CNTN6: variants seen among roughly 807,000 people sequenced by gnomAD.
The protein encoded by CNTN6 is contactin-6.
A neutral mutation model predicts 122.8 loss-of-function variants in CNTN6; 137 were observed. The ratio of observed to expected loss-of-function variants is 1.12; its 90% CI spans 0.97 to 1.29. The LOEUF is 1.29. CNTN6 is among the 50% of genes most tolerant of loss of function. The probability of loss-of-function intolerance (pLI) is 0.00; values close to 1 mark genes in which losing one functional copy is unlikely to be tolerated. For missense variants in CNTN6, 1,634 were observed against 1,223.4 expected (o/e 1.34, Z -5.01); for synonymous variants, 570 against 426.0 (o/e 1.34, Z -4.16).
intron 12 of CNTN6, among the ~76,000 whole-genome samples, chr3:1,364,157 T>C (rs1707875640): frequency 6.6e-6 from 1 of 151,960 alleles, no homozygotes; most frequent in African/African-American, 2.4e-5. Context: ...TATCTTAATA[T>C]GTAGCGTAAT....
intron 4 of CNTN6, among the ~76,000 whole-genome samples, chr3:1,261,005 A>C (rs1290549128): frequency 6.6e-6 from 1 of 152,174 alleles, no homozygotes; most frequent in Non-Finnish European, 1.5e-5. Context: ...TGGCTGTTCA[A>C]ACTTAATGTG....
chr3:1,180,019 C>G (rs1212338917), intron 2 of CNTN6, among the ~76,000 whole-genome samples: 1 of 152,180 alleles, frequency 6.6e-6, no homozygotes, highest in Admixed American at 6.5e-5. Flanking sequence ...AATCACAGCT[C>G]TCTGACTAGT....
At chr3:1,395,015 A>C (rs1694813750) in intron 20 of CNTN6, among the ~76,000 whole-genome samples, 2 of 152,018 alleles carry the variant, frequency 1.3e-5, no homozygotes, top group South Asian at 4.1e-4. Context: ...TAAATCAAAC[A>C]AGAAAAACCT....
intron 1 of CNTN6, among the ~76,000 whole-genome samples, chr3:1,128,831 A>T (rs567745187): frequency 8.1e-4 from 123 of 152,140 alleles, no homozygotes; most frequent in African/African-American, 2.6e-3. Context: ...AAACACATTT[A>T]AATTATAAAT....
At chr3:1,192,000 A>G (rs1264597274) in intron 2 of CNTN6, among the ~76,000 whole-genome samples, 1 of 152,158 alleles carries the variant, frequency 6.6e-6, no homozygotes. Flanking sequence ...TCATTTTGAC[A>G]CCTACCTACT....
chr3:1,248,441 C>T (rs1559606527), intron 4 of CNTN6, among the ~76,000 whole-genome samples: 1 of 152,066 alleles, frequency 6.6e-6, no homozygotes, highest in Non-Finnish European at 1.5e-5. Flanking sequence ...GTTTAATCCT[C>T]AAAACTACCA....
intron 1 of CNTN6, among the ~76,000 whole-genome samples, chr3:1,115,400 C>T (rs2091675655): frequency 6.6e-6 from 1 of 152,106 alleles, no homozygotes; most frequent in Non-Finnish European, 1.5e-5. Context: ...AAAACATCAC[C>T]ATTTTCTTCA....
intron 12 of CNTN6, among the ~76,000 whole-genome samples, chr3:1,361,380 G>C (rs1006243071): frequency 6.6e-6 from 1 of 152,034 alleles, no homozygotes; most frequent in African/African-American, 2.4e-5. Context: ...ATCTTCTAAT[G>C]GTTCTTCAGT....
At chr3:1,345,559 GAT>G (rs2126052579) in intron 11 of CNTN6, among the ~76,000 whole-genome samples, 1 of 152,192 alleles carries the variant, frequency 6.6e-6, no homozygotes, top group African/African-American at 2.4e-5. Flanking sequence ...ATTTTTAAAA[GAT>G]AGCTTATTAA....
chr3:1,345,257 C>T (rs574876125), intron 11 of CNTN6, among the ~76,000 whole-genome samples: 1 of 151,922 alleles, frequency 6.6e-6, no homozygotes, highest in African/African-American at 2.4e-5. Context: ...GCTGAAATTA[C>T]AGGCACGAAC....
chr3:1,395,835 A>C (rs977912901), intron 20 of CNTN6, among the ~76,000 whole-genome samples: 1 of 152,152 alleles, frequency 6.6e-6, no homozygotes, highest in Admixed American at 6.6e-5. Flanking sequence ...CTTAATTATT[A>C]CAATAAGTCA....
chr3:1,242,365 G>T (rs1485542247), intron 4 of CNTN6, among the ~76,000 whole-genome samples: 3 of 149,956 alleles, frequency 2.0e-5, no homozygotes, highest in Non-Finnish European at 4.4e-5. Context: ...GGCACCACAG[G>T]GTGGATGGCA....
Position 1,147,898 on chromosome 3 carries a change from T to C in CNTN6, c.-82-29T>C, listed in dbSNP as rs557170554. ...TAAAATATTCGTGTTTGTACGTTTT[T>C]CATTTCATGACAATTTTGTCTTTTT... On this transcript the variant is annotated intron_variant, in intron 1 of 22. Coordinates refer to ENST00000446702, the MANE Select transcript of CNTN6 (RefSeq NM_001289080.2). 1.0e-5 allele frequency: 7 copies of C among 688,308 alleles called. No homozygotes were observed. In the East Asian group the frequency reaches 1.3e-4, roughly 12 times the overall value. The allele number at this position is 688,308 out of a possible 1,614,324, so 42.6% of individuals were successfully genotyped here. A position where few individuals can be genotyped will look rare whatever the true frequency, so the allele number is the denominator to read the frequency against.
chr3:1,399,797 C>A (rs1189810026), intron 20 of CNTN6, among the ~76,000 whole-genome samples: 1 of 152,078 alleles, frequency 6.6e-6, no homozygotes, highest in African/African-American at 2.4e-5. Flanking sequence ...GTTAGTAATA[C>A]AGAGTTGAGT....
At chr3:1,181,286 A>C (rs1034523141) in intron 2 of CNTN6, among the ~76,000 whole-genome samples, 1 of 152,090 alleles carries the variant, frequency 6.6e-6, no homozygotes, top group African/African-American at 2.4e-5. Context: ...TACACAACTC[A>C]CTTACTCACA....
chr3:1,347,171 A>G (rs1228021685), intron 11 of CNTN6, among the ~76,000 whole-genome samples: 6 of 152,322 alleles, frequency 3.9e-5, no homozygotes, highest in Admixed American at 6.5e-5. Flanking sequence ...CTCATAATGC[A>G]TTAGAGGAAT....
intron 5 of CNTN6, among the ~76,000 whole-genome samples, chr3:1,294,715 A>G (rs944334453): frequency 3.3e-5 from 5 of 152,190 alleles, no homozygotes; most frequent in Non-Finnish European, 5.9e-5. Context: ...TCACTTGGAT[A>G]GCTCTAGTTT....
chr3:1,112,883 TG>T (rs1206310145), intron 1 of CNTN6, among the ~76,000 whole-genome samples: 1 of 152,048 alleles, frequency 6.6e-6, no homozygotes, highest in African/African-American at 2.4e-5. Context: ...GAAGTTGTAT[TG>T]GGGAGAAAAG....
At chr3:1,368,697 C>A (rs1188006599) in intron 12 of CNTN6, among the ~76,000 whole-genome samples, 2 of 151,804 alleles carry the variant, frequency 1.3e-5, no homozygotes, top group African/African-American at 4.8e-5. Context: ...CAAGATATAA[C>A]CTCAATAAAG....
Sources: gnomAD v4.1 joint callset for allele counts (sites outside exome capture counted in the v4.1 genomes callset) on GRCh38, gnomAD v4.1.1 for gene constraint, MANE v1.5 for transcripts, NCBI Gene and HGNC (gene_info 2026-07-23, HGNC 2026-07-21) for gene names.